The following DNAH3 variants were observed in gnomAD, a reference collection of about 807,000 sequenced individuals.
The protein encoded by DNAH3 is dynein axonemal heavy chain 3.
DNAH3 carries 332 observed loss-of-function variants against 432.5 expected under a neutral mutation model. That is an observed-to-expected ratio of 0.77 (90% CI 0.70 to 0.84). DNAH3 has a LOEUF of 0.84. Among genes scored for constraint, DNAH3 ranks in the 40% least tolerant of loss-of-function variants. DNAH3 has a pLI of 0.00. For missense variants in DNAH3, 4,861 were observed against 5,114.0 expected, an observed-to-expected ratio of 0.95 and a Z score of 1.51; for synonymous variants, 1,956 against 1,900.2, an observed-to-expected ratio of 1.03 and a Z score of -0.76.
At chr16:21,131,497 A>AGAG (rs1567846251) in intron 7 of DNAH3, among the ~76,000 whole-genome samples, 1 of 145,428 alleles carries the variant, frequency 6.9e-6, no homozygotes, top group Non-Finnish European at 1.5e-5. Flanking sequence ...AGAAAGAGAG[A>AGAG]TGAGAGAGAA....
intron 44 of DNAH3, among the ~76,000 whole-genome samples, chr16:20,990,051 G>C (rs1428649854): frequency 6.6e-6 from 1 of 152,240 alleles, no homozygotes; most frequent in African/African-American, 2.4e-5. Flanking sequence ...AGCTGAGGGA[G>C]TGGGCTCCGG....
At chr16:21,151,022 G>A (rs1201997558) in intron 1 of DNAH3, among the ~76,000 whole-genome samples, 176 bp from the exon 1 acceptor site, 2 of 152,200 alleles carry the variant, frequency 1.3e-5, no homozygotes, top group Admixed American at 6.5e-5. Flanking sequence ...CAATGTTCCA[G>A]GAATAACAGA....
chr16:21,042,387 G>A lies in DNAH3; in HGVS notation c.4462-184C>T, dbSNP rs185501224. ...AAAAAGAATATAGGTTTGTGCATGT[G>A]TGCATGTGCGTGTGTGTGTGTGTTA... On this transcript the variant is annotated intron_variant, in intron 31 of 61. Transcript: ENST00000261383. Among the ~76,000 whole-genome samples, 4 of 152,262 alleles carry A rather than the reference G, an allele frequency of 2.6e-5. No homozygotes were observed. In the East Asian group the frequency reaches 7.7e-4, roughly 29 times the overall value.
chr16:21,116,669 T>C (rs946206857), intron 12 of DNAH3, among the ~76,000 whole-genome samples: 1 of 152,174 alleles, frequency 6.6e-6, no homozygotes, highest in Non-Finnish European at 1.5e-5. Flanking sequence ...GTGTGATGAT[T>C]AAAGGACATG....
intron 61 of DNAH3, among the ~76,000 whole-genome samples, chr16:20,933,921 G>A (rs1596843023): frequency 6.6e-6 from 1 of 152,152 alleles, no homozygotes; most frequent in East Asian, 1.9e-4. Context: ...TAGTTTTTGT[G>A]GTATAAAGAC....
At chr16:21,104,951 C>A (rs144734100) in intron 15 of DNAH3, among the ~76,000 whole-genome samples, 1 of 152,078 alleles carries the variant, frequency 6.6e-6, no homozygotes, top group Non-Finnish European at 1.5e-5. Context: ...AGTCAGAAAC[C>A]CAGATTGATG....
intron 11 of DNAH3, among the ~76,000 whole-genome samples, chr16:21,120,280 T>C (rs1454805289): frequency 1.3e-5 from 2 of 152,078 alleles, no homozygotes; most frequent in Admixed American, 6.6e-5. Context: ...TTTAATTTTG[T>C]AGAGATGAGG....
At chr16:20,972,355 T>C (rs2085381207) in intron 51 of DNAH3, among the ~76,000 whole-genome samples, 1 of 151,888 alleles carries the variant, frequency 6.6e-6, no homozygotes, top group African/African-American at 2.4e-5. Flanking sequence ...GGCTGCTGAG[T>C]AGCTAAGACC....
intron 19 of DNAH3, among the ~76,000 whole-genome samples, chr16:21,086,205 T>C (rs547936657): frequency 6.6e-6 from 1 of 152,324 alleles, no homozygotes; most frequent in South Asian, 2.1e-4. Context: ...GTGACAATTA[T>C]TTTAGAAACA....
chr16:21,138,602 G>C (rs2092675982), intron 5 of DNAH3, among the ~76,000 whole-genome samples: 1 of 152,174 alleles, frequency 6.6e-6, no homozygotes, highest in South Asian at 2.1e-4. Flanking sequence ...TTCAAGGTCA[G>C]GAGTTCGAGA....
exon 47 of DNAH3, chr16:20,987,344 C>T (rs765263590): frequency 6.2e-7 from 1 of 1,614,138 alleles, no homozygotes; most frequent in East Asian, 2.2e-5. Context: ...AGGTGGTTTC[C>T]TTCACCATGT....
intron 32 of DNAH3, among the ~76,000 whole-genome samples, chr16:21,040,442 G>A (rs991877326): frequency 7.5e-6 from 1 of 133,174 alleles, no homozygotes; most frequent in African/African-American, 2.8e-5. Flanking sequence ...TTGGCTCATT[G>A]CAACCTCCGC....
Position 20,938,258 on chromosome 16 carries a change from G to A in DNAH3, c.11655-1405C>T, listed in dbSNP as rs568489949. On this transcript the variant is annotated intron_variant, in intron 59 of 61. Transcript: ENST00000261383. Reference sequence around the variant, plus strand: ...AATACAAAATTAGCTGAGCATGCGCGCCTGTAATTCCAGCTACTCAGGAGG... The same window carrying A: ...AATACAAAATTAGCTGAGCATGCGCACCTGTAATTCCAGCTACTCAGGAGG... Among the ~76,000 whole-genome samples the A allele has an allele frequency of 1.1e-4, 17 of 152,212 alleles. No individual in the cohort carries two copies. In the South Asian group the frequency reaches 2.7e-3, roughly 24 times the overall value.
chr16:21,085,896 T>C (rs1425176400), intron 19 of DNAH3, among the ~76,000 whole-genome samples: 2 of 152,100 alleles, frequency 1.3e-5, no homozygotes, highest in African/African-American at 4.8e-5. Context: ...GCCTCCCAAG[T>C]TACTGGACCA....
At chr16:21,070,472 G>A (rs1027124681) in intron 22 of DNAH3, among the ~76,000 whole-genome samples, 9 of 152,086 alleles carry the variant, frequency 5.9e-5, no homozygotes, top group Middle Eastern at 6.8e-3. Context: ...CAGTAGAGAC[G>A]GAGTTTCACC....
chr16:21,041,909 G>A (rs2089460905), intron 32 of DNAH3, 118 bp downstream of exon 32: 3 of 1,142,936 alleles, frequency 2.6e-6, no homozygotes, highest in African/African-American at 1.5e-5. Flanking sequence ...CTGACCTCAG[G>A]TGATTTGCCC....
chr16:21,098,560 G>T, intron 17 of DNAH3, 56 bp downstream of exon 17: 1 of 1,530,024 alleles, frequency 6.5e-7, no homozygotes, highest in Non-Finnish European at 8.8e-7. Flanking sequence ...CACAACCAAG[G>T]ATCAGAACCA....
At chr16:21,060,399 C>T (rs2090303831) in intron 25 of DNAH3, 43 bp from the exon 26 acceptor site, 2 of 1,507,890 alleles carry the variant, frequency 1.3e-6, no homozygotes, top group African/African-American at 1.4e-5. Flanking sequence ...TCAACCAAAG[C>T]CCAGAGGGAG....
chr16:21,102,812 C>T (rs768770708), intron 16 of DNAH3, among the ~76,000 whole-genome samples: 1 of 151,534 alleles, frequency 6.6e-6, no homozygotes, highest in African/African-American at 2.4e-5. Flanking sequence ...GTGGATACTA[C>T]TCAGCCATAA....
Sources: gnomAD v4.1 joint callset for allele counts (sites outside exome capture counted in the v4.1 genomes callset) on GRCh38, gnomAD v4.1.1 for gene constraint, MANE v1.5 for transcripts, NCBI Gene and HGNC (gene_info 2026-07-23, HGNC 2026-07-21) for gene names.